TCEA3: variants seen among roughly 807,000 people sequenced by gnomAD.
TCEA3 encodes transcription elongation factor A3.
TCEA3 carries 36 observed loss-of-function variants against 44.0 expected under a neutral mutation model. The ratio of observed to expected loss-of-function variants is 0.82; its 90% confidence interval spans 0.63 to 1.08. The LOEUF (loss-of-function observed/expected upper bound fraction) is 1.08. Among genes scored for constraint, TCEA3 ranks in the 50% least tolerant of loss-of-function variants. The pLI is 0.00. For synonymous variants in TCEA3, 162 were observed against 159.7 expected, an observed-to-expected ratio of 1.01 and a Z score of -0.11; for missense variants, 392 against 441.2, an observed-to-expected ratio of 0.89 and a Z score of 1.00.
chr1:23,401,577 C>T (rs956532185), intron 5 of TCEA3, among the ~76,000 whole-genome samples: 1 of 152,120 alleles, frequency 6.6e-6, no homozygotes, highest in African/African-American at 2.4e-5. Flanking sequence ...AACGGATGTT[C>T]CTGCCCCCAA....
chr1:23,394,983 C>T (rs2148555976), intron 7 of TCEA3, among the ~76,000 whole-genome samples: 1 of 152,332 alleles, frequency 6.6e-6, no homozygotes. Flanking sequence ...TCTTGGTCTC[C>T]TGAGCCAAAG....
intron 4 of TCEA3, chr1:23,411,155 T>C (rs1427579534): frequency 6.4e-6 from 1 of 157,300 alleles, no homozygotes; most frequent in Non-Finnish European, 1.4e-5. Flanking sequence ...AATTTATGTT[T>C]ATTTTTATTT....
chr1:23,424,588 TCTC>T lies in TCEA3; in HGVS notation c.43_45del (p.Glu15del). On this transcript the variant is annotated inframe_deletion, in exon 1 of 11. Coordinates refer to ENST00000450454, the MANE Select transcript of TCEA3 (RefSeq NM_003196.3). ...ACCGTGTTCTTCCTGGCCACCATCT[TCTC>T]CAGCTTTTTGGCGATCCTCAGCAGC... 1 of 1,608,228 alleles carries T rather than the reference TCTC, an allele frequency of 6.2e-7. No individual in the cohort carries two copies. The highest frequency in any genetic ancestry group is 8.5e-7 in the Non-Finnish European group (1 of 1,178,856).
At chr1:23,400,186 C>A (rs1639356195) in intron 5 of TCEA3, among the ~76,000 whole-genome samples, 1 of 152,124 alleles carries the variant, frequency 6.6e-6, no homozygotes, top group Non-Finnish European at 1.5e-5. Context: ...GCTGTTTATT[C>A]TTTTTGGTAA....
intron 5 of TCEA3, chr1:23,403,908 A>G: frequency 1.8e-6 from 1 of 545,412 alleles, no homozygotes. Flanking sequence ...GCAGCATTTC[A>G]GGCAGCCACA....
chr1:23,403,846 G>A, intron 5 of TCEA3: 1 of 500,440 alleles, frequency 2.0e-6, no homozygotes, highest in Non-Finnish European at 3.6e-6. Context: ...ACCCAGCCCT[G>A]GTCCCGCCTC....
chr1:23,408,974 T>C (rs748700123), intron 4 of TCEA3, among the ~76,000 whole-genome samples: 32 of 152,134 alleles, frequency 2.1e-4, no homozygotes, highest in Admixed American at 2.1e-3. Context: ...ACACATGCCA[T>C]GTATGTGACA....
intron 1 of TCEA3, among the ~76,000 whole-genome samples, chr1:23,423,255 G>A (rs751745119): frequency 5.9e-5 from 9 of 152,140 alleles, no homozygotes; most frequent in African/African-American, 1.9e-4. Flanking sequence ...GGTCTTGTTC[G>A]CCAGTTCTTA....
At chr1:23,389,309 G>A (rs1209534958) in intron 8 of TCEA3, among the ~76,000 whole-genome samples, 1 of 152,050 alleles carries the variant, frequency 6.6e-6, no homozygotes, top group African/African-American at 2.4e-5. Context: ...TCAACATGGT[G>A]AAACCCCATC....
chr1:23,419,025 C>T, intron 2 of TCEA3, 52 bp downstream of exon 2: 1 of 991,752 alleles, frequency 1.0e-6, no homozygotes, highest in Non-Finnish European at 1.4e-6. Context: ...TTTCCCTCCC[C>T]CACCAGCTCT....
intron 9 of TCEA3, among the ~76,000 whole-genome samples, chr1:23,385,441 C>T (rs1334249012): frequency 1.3e-5 from 2 of 152,226 alleles, no homozygotes; most frequent in Admixed American, 6.5e-5. Flanking sequence ...GCACAGGAAG[C>T]GCATCACTCC....
At chr1:23,396,656 G>A (rs61777154) in intron 7 of TCEA3, among the ~76,000 whole-genome samples, 16,584 of 152,176 alleles carry the variant, frequency 0.11, 1,080 homozygotes, top group Non-Finnish European at 0.15. Context: ...AACAGAGGTA[G>A]GAAGTGTCAA....
At chr1:23,408,538 G>C (rs898247040) in intron 5 of TCEA3, 126 bp downstream of exon 5, 1 of 937,230 alleles carries the variant, frequency 1.1e-6, no homozygotes, top group African/African-American at 1.7e-5. Context: ...GAATACGGGG[G>C]CAACATAATG....
chr1:23,390,949 A>T (rs1639006404), intron 8 of TCEA3, among the ~76,000 whole-genome samples: 1 of 151,840 alleles, frequency 6.6e-6, no homozygotes, highest in South Asian at 2.1e-4. Flanking sequence ...GCTATGTCTG[A>T]GTAGGGAAGA....
rs1386658808 is a variant in TCEA3, at chr1:23,384,408, G to A, written c.976C>T (p.Arg326Cys). The A allele has an allele frequency of 6.2e-6, 10 of 1,613,054 alleles. No individual in the cohort carries two copies. Among genetic ancestry groups the A allele is most frequent in the South Asian group, 2.2e-5 (2 of 90,782 alleles). ...GTAGTCATGGGCTCATCAGCACTGCGTGTCTGCACCTGAGAGAGAGAAGAA... is the reference window on the plus strand; with the variant it reads ...GTAGTCATGGGCTCATCAGCACTGCATGTCTGCACCTGAGAGAGAGAAGAA... ...KNCTYNQVQT[R>C]SADEPMTTFV... Residue 326 changes from arginine to cysteine, a missense_variant, in exon 10 of 11, where the codon CGC becomes TGC. Coordinates refer to ENST00000450454, the MANE Select transcript of TCEA3 (RefSeq NM_003196.3).
chr1:23,417,104 A>C (rs1313612046), intron 4 of TCEA3, 145 bp downstream of exon 4: 1 of 991,036 alleles, frequency 1.0e-6, no homozygotes, highest in East Asian at 2.6e-5. Context: ...GAGCCAAAGA[A>C]GACCCCCAGA....
At chr1:23,385,186 A>C (rs1208779771) in intron 9 of TCEA3, among the ~76,000 whole-genome samples, 3 of 152,130 alleles carry the variant, frequency 2.0e-5, no homozygotes, top group Non-Finnish European at 4.4e-5. Flanking sequence ...CTGGTTTTCT[A>C]AGGCTGTCCT....
At chr1:23,412,919 T>C (rs763925597) in intron 4 of TCEA3, among the ~76,000 whole-genome samples, 5 of 152,270 alleles carry the variant, frequency 3.3e-5, no homozygotes, top group Admixed American at 1.3e-4. Flanking sequence ...AGGAAGGAAA[T>C]TAATTAACTG....
intron 1 of TCEA3, among the ~76,000 whole-genome samples, chr1:23,421,988 G>A (rs1269445033): frequency 6.6e-6 from 1 of 152,184 alleles, no homozygotes; most frequent in Admixed American, 6.5e-5. Flanking sequence ...TTGTGCAAAT[G>A]TTGCTGGGTG....
Sources: gnomAD v4.1 joint callset for allele counts (sites outside exome capture counted in the v4.1 genomes callset) on GRCh38, gnomAD v4.1.1 for gene constraint, MANE v1.5 for transcripts, NCBI Gene and HGNC (gene_info 2026-07-23, HGNC 2026-07-21) for gene names.